VIPAS39: variants seen among roughly 807,000 people sequenced by gnomAD.
VIPAS39 encodes the protein spermatogenesis-defective protein 39 homolog.
A neutral mutation model predicts 84.7 loss-of-function variants in VIPAS39; 63 were observed. That is an observed-to-expected ratio of 0.74 (90% CI 0.61 to 0.92). VIPAS39 has a LOEUF of 0.92. Among genes scored for constraint, VIPAS39 ranks in the 40% least tolerant of loss-of-function variants. The pLI, the probability that VIPAS39 is intolerant of heterozygous loss-of-function variation, is 0.00. For synonymous variants in VIPAS39, 192 were observed against 216.5 expected (o/e 0.89, Z 0.99); for missense variants, 499 against 604.5 (o/e 0.83, Z 1.83).
chr14:77,441,226 TGATCA>T, intron 10 of VIPAS39, 133 bp from the exon 11 acceptor site: 1 of 959,206 alleles, frequency 1.0e-6, no homozygotes, highest in South Asian at 1.3e-5. Context: ...GATAAATGGT[TGATCA>T]GATATCATTG....
chr14:77,450,989 T>C (rs1566738209), intron 4 of VIPAS39, among the ~76,000 whole-genome samples, 198 bp downstream of exon 4: 2 of 152,194 alleles, frequency 1.3e-5, no homozygotes, highest in Non-Finnish European at 2.9e-5. Context: ...TCAATTTCAT[T>C]CATCATGCTA....
intron 17 of VIPAS39, 36 bp from the exon 18 acceptor site, chr14:77,429,131 C>T: frequency 6.3e-7 from 1 of 1,577,932 alleles, no homozygotes; most frequent in Non-Finnish European, 8.7e-7. Flanking sequence ...ATGATTCAAA[C>T]ACCCATAAGG....
At chr14:77,429,505 G>A (rs1473545224) in intron 17 of VIPAS39, among the ~76,000 whole-genome samples, 176 bp downstream of exon 17, 1 of 151,774 alleles carries the variant, frequency 6.6e-6, no homozygotes. Context: ...TTCTAAAGGG[G>A]AGAAAGGGAG....
At chr14:77,437,303 A>G (rs966989278) in intron 12 of VIPAS39, among the ~76,000 whole-genome samples, 2 of 152,240 alleles carry the variant, frequency 1.3e-5, no homozygotes, top group Admixed American at 1.3e-4. Context: ...AGCAACGGGC[A>G]TCCTGTCACA....
chr14:77,443,767 C>T (rs988143150), intron 8 of VIPAS39, among the ~76,000 whole-genome samples: 6 of 151,638 alleles, frequency 4.0e-5, no homozygotes, highest in Non-Finnish European at 5.9e-5. Context: ...TGGTGGCCCA[C>T]GCCTGTAATC....
intron 11 of VIPAS39, among the ~76,000 whole-genome samples, chr14:77,438,443 G>A (rs1170358694): frequency 6.6e-6 from 1 of 152,156 alleles, no homozygotes; most frequent in Non-Finnish European, 1.5e-5. Flanking sequence ...TGGCCAGGCT[G>A]GTCTCGAACT....
At chr14:77,433,785 C>T (rs544468801) in intron 16 of VIPAS39, 57 bp downstream of exon 16, 2 of 1,558,856 alleles carry the variant, frequency 1.3e-6, no homozygotes, top group African/African-American at 1.4e-5. Flanking sequence ...GAACTTATAA[C>T]ATGATAGAAC....
At position 77,457,258 on chromosome 14, in the gene VIPAS39, C is replaced by T. The variant is rs542223646; in HGVS notation, c.-1+237G>A. On this transcript the variant is annotated intron_variant, in intron 1 of 19. Transcript: ENST00000557658. Reference sequence around the variant, plus strand: ...TCGTCAGAGCCCAGCGGATCCCTGGCAGAGTTAAATGCTCGTTCTGAACCA... The same window carrying T: ...TCGTCAGAGCCCAGCGGATCCCTGGTAGAGTTAAATGCTCGTTCTGAACCA... 3.3e-6 allele frequency: 5 copies of T among 1,534,678 alleles called. No individual in the cohort carries two copies. In the African/African-American group the frequency reaches 6.8e-5, roughly 21 times the overall value.
rs554944525 is a variant in VIPAS39 at position 77,450,593 on chromosome 14, C to A, written c.343+594G>T. On this transcript the variant is annotated intron_variant, in intron 4 of 19. Coordinates refer to ENST00000557658, the MANE Select transcript of VIPAS39 (RefSeq NM_001193315.2). ...TAGTGCAATCTCGGTTCACTACAAC[C>A]TTTGCCTCCCAGGTTCTAGCAATCT... 1.4e-4 allele frequency among the ~76,000 whole-genome samples: 22 copies of A among 152,336 alleles called. No individual in the cohort carries two copies. In the South Asian group the frequency reaches 3.1e-3, roughly 22 times the overall value.
intron 8 of VIPAS39, 117 bp downstream of exon 8, chr14:77,444,132 A>C (rs765997160): frequency 2.9e-6 from 3 of 1,036,896 alleles, no homozygotes; most frequent in Non-Finnish European, 4.3e-6. Flanking sequence ...TACACCTCCA[A>C]GGGGAATCCA....
At position 77,429,815 on chromosome 14, in the gene VIPAS39, C is replaced by T. The variant is rs371968285; in HGVS notation, c.1180-48G>A. On this transcript the variant is annotated intron_variant, in intron 16 of 19. Transcript: ENST00000557658. ...CGGCAGGTAGGCCAGGCACACTCAA[C>T]ACATTCTAGGTTAGTCTATGTTTTA... 5.3e-6 allele frequency: 8 copies of T among 1,511,810 alleles called. No homozygotes were observed. In the African/African-American group the frequency reaches 1.1e-4, roughly 21 times the overall value. The allele number at this position is 1,511,810 out of a possible 1,614,324, so 93.6% of individuals were successfully genotyped here. A position where few individuals can be genotyped will look rare whatever the true frequency, so the allele number is the denominator to read the frequency against.
At position 77,444,847 on chromosome 14, in the gene VIPAS39, G is replaced by A. The variant is rs569711750; in HGVS notation, c.505-506C>T. Among the ~76,000 whole-genome samples, 464 of 152,124 alleles carry A rather than the reference G, an allele frequency of 3.1e-3. 1 individual carries two copies. The highest frequency in any genetic ancestry group is 5.8e-3 in the Non-Finnish European group (395 of 68,010). On this transcript the variant is annotated intron_variant, in intron 7 of 19. Coordinates refer to ENST00000557658, the MANE Select transcript of VIPAS39 (RefSeq NM_001193315.2). ...TCCACCCACCTCAGCCTCCCAAAGT[G>A]CTGGGATTACAGGCATGAGCCACCG... is the stretch of plus-strand genomic sequence containing the variant.
At chr14:77,439,310 A>C (rs1031645975) in intron 11 of VIPAS39, among the ~76,000 whole-genome samples, 38 of 152,226 alleles carry the variant, frequency 2.5e-4, no homozygotes, top group South Asian at 2.1e-4. Context: ...AAAACAAAAA[A>C]CTTTATAAGA....
intron 12 of VIPAS39, 78 bp from the exon 13 acceptor site, chr14:77,435,997 T>A: frequency 1.4e-6 from 2 of 1,467,162 alleles, no homozygotes; most frequent in Non-Finnish European, 1.9e-6. Flanking sequence ...ATCGCCAGCA[T>A]AAGTATAAGA....
chr14:77,434,436 C>T (rs1393000405), intron 14 of VIPAS39, 133 bp from the exon 15 acceptor site: 1 of 861,084 alleles, frequency 1.2e-6, no homozygotes, highest in Non-Finnish European at 1.9e-6. Flanking sequence ...AAATTAATTT[C>T]AGGGAAAAGC....
At chr14:77,435,191 T>A in intron 14 of VIPAS39, 68 bp downstream of exon 14, 1 of 1,606,360 alleles carries the variant, frequency 6.2e-7, no homozygotes, top group South Asian at 1.1e-5. Flanking sequence ...TACATAAAAG[T>A]ACTGGATTTG....
chr14:77,446,812 T>C lies in VIPAS39; in HGVS notation c.504+1682A>G, dbSNP rs531399444. Reference sequence around the variant, plus strand: ...ACACATATATGATCATTAATTTTCTTCTTATTTTTTTCTTCTTGAGACAGG... The same window carrying C: ...ACACATATATGATCATTAATTTTCTCCTTATTTTTTTCTTCTTGAGACAGG... On this transcript the variant is annotated intron_variant, in intron 7 of 19. Coordinates refer to ENST00000557658, the MANE Select transcript of VIPAS39 (RefSeq NM_001193315.2). Among the ~76,000 whole-genome samples the C allele has an allele frequency of 2.0e-4, 30 of 152,088 alleles. 1 individual carries two copies. In the South Asian group the frequency reaches 6.0e-3, roughly 31 times the overall value.
At chr14:77,436,867 A>G (rs2078621056) in intron 12 of VIPAS39, among the ~76,000 whole-genome samples, 1 of 152,190 alleles carries the variant, frequency 6.6e-6, no homozygotes, top group Non-Finnish European at 1.5e-5. Context: ...ATCTTTTAGA[A>G]AGTGCTGCAT....
At chr14:77,454,296 C>G (rs2078927876) in intron 1 of VIPAS39, among the ~76,000 whole-genome samples, 194 bp from the exon 2 acceptor site, 1 of 152,324 alleles carries the variant, frequency 6.6e-6, no homozygotes, top group African/African-American at 2.4e-5. Flanking sequence ...TACTTCTAAT[C>G]TTCTAATTAC....
Sources: allele counts gnomAD v4.1 joint callset (sites outside exome capture counted in the v4.1 genomes callset), GRCh38; gene constraint gnomAD v4.1.1; transcripts MANE v1.5; gene names NCBI Gene and HGNC (gene_info 2026-07-23, HGNC 2026-07-21).